The following MAP3K14 variants were observed in gnomAD, a reference collection of about 807,000 sequenced individuals.
MAP3K14 encodes the protein NF-kappa-beta-inducing kinase.
A neutral mutation model predicts 99.2 loss-of-function variants in MAP3K14; 16 were observed. The ratio of observed to expected loss-of-function variants is 0.16; its 90% CI spans 0.11 to 0.24. MAP3K14 has a LOEUF of 0.24. Ranked by LOEUF, MAP3K14 falls within the 10% of genes least tolerant of loss-of-function variation. MAP3K14 has a pLI of 1.00. For missense variants in MAP3K14, 784 were observed against 1,208.7 expected (o/e 0.65, Z 5.21); for synonymous variants, 462 against 492.4 (o/e 0.94, Z 0.82).
At position 45,286,936 on chromosome 17, in the gene MAP3K14, C is replaced by T. The variant is rs920434468; in HGVS notation, c.647G>A (p.Gly216Asp). 2.5e-6 allele frequency: 4 copies of T among 1,613,900 alleles called. No homozygotes were observed. Among genetic ancestry groups the T allele is most frequent in the South Asian group, 1.1e-5 (1 of 91,094 alleles). Residue 216 changes from glycine to aspartate, a missense_variant, in exon 5 of 16, where the codon GGC becomes GAC. Gly to Asp is a moderately conservative substitution (Grantham distance 94). Transcript: ENST00000344686. The surrounding 1 kb of genome is among the most constrained non-coding windows in gnomAD (Gnocchi z 4.1). ...TGATCGAGGCAGAGCCGGCCGTAGGCCCTCGCCAAGCTGCTTAAAACAGAG... is the reference window on the plus strand; with the variant it reads ...TGATCGAGGCAGAGCCGGCCGTAGGTCCTCGCCAAGCTGCTTAAAACAGAG... ...GQLCFKQLGEGLRPALPRSEL... is the reference protein window; with the variant it reads ...GQLCFKQLGEDLRPALPRSEL...
At chr17:45,270,193 C>T (rs1013143827) in intron 11 of MAP3K14, among the ~76,000 whole-genome samples, 4 of 152,156 alleles carry the variant, frequency 2.6e-5, no homozygotes, top group African/African-American at 4.8e-5. Flanking sequence ...TTCGAGTTTG[C>T]GTGTGAGTTT....
chr17:45,306,628 A>C (rs2044432664), intron 1 of MAP3K14, among the ~76,000 whole-genome samples: 1 of 152,234 alleles, frequency 6.6e-6, no homozygotes. Context: ...AGGCTTCTTG[A>C]ACCTATTTAC....
At chr17:45,264,846 C>G in intron 15 of MAP3K14, 46 bp from the exon 16 acceptor site, 1 of 1,587,740 alleles carries the variant, frequency 6.3e-7, no homozygotes. Flanking sequence ...GCATAGGGCT[C>G]AAGCCATGTA....
At chr17:45,294,555 C>T (rs1250520289) in intron 1 of MAP3K14, among the ~76,000 whole-genome samples, 1 of 152,252 alleles carries the variant, frequency 6.6e-6, no homozygotes, top group African/African-American at 2.4e-5. Context: ...CCTAGAAAAT[C>T]AGGGCCGGGC....
Position 45,266,479 on chromosome 17 carries a change from A to T in MAP3K14, c.2578+58T>A, listed in dbSNP as rs2044083732. Reference sequence around the variant, plus strand: ...AGACAAAATCCCTCAATGGCTGTCTAGCTCCAGGCAGATCAGCTGCCACGG... The same window carrying T: ...AGACAAAATCCCTCAATGGCTGTCTTGCTCCAGGCAGATCAGCTGCCACGG... On this transcript the variant is annotated intron_variant, in intron 14 of 15. Coordinates refer to ENST00000344686, the MANE Select transcript of MAP3K14 (RefSeq NM_003954.5). 1.9e-6 allele frequency: 3 copies of T among 1,543,550 alleles called. No homozygotes were observed. The Admixed American group carries it at 5.6e-5, about 29-fold the overall frequency.
intron 8 of MAP3K14, 126 bp downstream of exon 8, chr17:45,273,997 C>G (rs2044159908): frequency 8.9e-7 from 1 of 1,128,006 alleles, no homozygotes; most frequent in African/African-American, 1.5e-5. Context: ...AGGCACAGTC[C>G]TGTCAGCCTG....
At chr17:45,285,613 A>AAGACTCTGTCTC (rs2044257901) in intron 5 of MAP3K14, among the ~76,000 whole-genome samples, 1 of 149,062 alleles carries the variant, frequency 6.7e-6, no homozygotes, top group Admixed American at 6.7e-5. Context: ...GCGACAGAGT[A>AAGACTCTGTCTC]AGACTCTGTC....
intron 6 of MAP3K14, among the ~76,000 whole-genome samples, chr17:45,278,516 G>A (rs1287742349): frequency 6.6e-6 from 1 of 152,128 alleles, no homozygotes; most frequent in Non-Finnish European, 1.5e-5. Flanking sequence ...CTGTAAGCTG[G>A]TGGGATCATT....
rs1430400546 is a variant in MAP3K14, at chr17:45,266,598, G to A, written c.2517C>T (p.Ser839=). 2 of 1,613,710 alleles carry A rather than the reference G, an allele frequency of 1.2e-6. No homozygotes were observed. Among genetic ancestry groups the A allele is most frequent in the African/African-American group, 1.3e-5 (1 of 74,916 alleles). ...HSWSSQAEAR[S]SSWNMVLARG... is the part of the protein sequence containing the mutation. ...GGGCCAGCACCATGTTCCAGCTGGA[G>A]CTTCGAGCCTCGGCCTGGCTGCTCC... is the stretch of plus-strand genomic sequence containing the variant. The change falls in exon 14 of 16, where the codon AGC becomes AGT. Residue 839 remains serine (S), a synonymous_variant. Coordinates refer to ENST00000344686, the MANE Select transcript of MAP3K14 (RefSeq NM_003954.5).
intron 8 of MAP3K14, chr17:45,273,827 AGGGTTTACTCGGGAAC>A: frequency 1.5e-6 from 1 of 658,980 alleles, no homozygotes; most frequent in South Asian, 1.7e-5. Context: ...GGACAGGAGC[AGGGTTTACTCGGGAAC>A]GCTGCCACTC....
chr17:45,280,211 T>G (rs976603660), intron 6 of MAP3K14, among the ~76,000 whole-genome samples: 2 of 152,140 alleles, frequency 1.3e-5, no homozygotes, highest in African/African-American at 4.8e-5. Flanking sequence ...TAACCCTTTT[T>G]GGGCTACAGA....
In MAP3K14 at chr17:45,267,293, G is replaced by T. The variant is rs2044095900; in HGVS notation, c.2327-95C>A. On this transcript the variant is annotated intron_variant, in intron 12 of 15. Transcript: ENST00000344686. The surrounding 1 kb of genome is among the most constrained non-coding windows in gnomAD (Gnocchi z 5.1). Reference sequence around the variant, plus strand: ...CTGCACAGTCGGTAGAAGCTGAGCTGCTGGGGAAGGGGCTGGAAGAAAGCC... The same window carrying T: ...CTGCACAGTCGGTAGAAGCTGAGCTTCTGGGGAAGGGGCTGGAAGAAAGCC... The T allele has an allele frequency of 7.2e-7, 1 of 1,395,530 alleles. No homozygotes were observed. Among genetic ancestry groups the T allele is most frequent in the Non-Finnish European group, 9.9e-7 (1 of 1,006,182 alleles). 86.4% of individuals were successfully genotyped at this position (1,395,530 alleles called of 1,614,324 possible). A position where few individuals can be genotyped will look rare whatever the true frequency, so the allele number is the denominator to read the frequency against.
At chr17:45,314,849 G>GA (rs917020584) in intron 1 of MAP3K14, among the ~76,000 whole-genome samples, 5 of 151,628 alleles carry the variant, frequency 3.3e-5, no homozygotes, top group East Asian at 3.9e-4. Context: ...ATTGAGACAG[G>GA]AAAAAAAATA....
At chr17:45,313,932 C>T (rs889180669) in intron 1 of MAP3K14, among the ~76,000 whole-genome samples, 1 of 152,174 alleles carries the variant, frequency 6.6e-6, no homozygotes, top group African/African-American at 2.4e-5. Context: ...CTTTTCTGAT[C>T]TTTGTCCCTG....
At chr17:45,315,233 G>A (rs1266674235) in intron 1 of MAP3K14, among the ~76,000 whole-genome samples, 1 of 151,902 alleles carries the variant, frequency 6.6e-6, no homozygotes, top group East Asian at 1.9e-4. Context: ...GATTTGGCAG[G>A]GTCTCTGTGG....
chr17:45,299,096 G>C (rs2044367458), intron 1 of MAP3K14, among the ~76,000 whole-genome samples: 1 of 152,232 alleles, frequency 6.6e-6, no homozygotes, highest in African/African-American at 2.4e-5. Context: ...AGTCCCAGGA[G>C]AGGAGGCTGC....
chr17:45,286,683 G>T lies in MAP3K14; in HGVS notation c.900C>A (p.His300Gln). The change falls in exon 5 of 16, where the codon CAC becomes CAA. Residue 300 changes from histidine (H) to glutamine (Q), a missense_variant. His to Gln is a conservative substitution (Grantham distance 24). Around this residue, in one of 5 missense-constraint regions of MAP3K14, gnomAD observed 138 missense variants for 164.1 expected, o/e 0.84. Transcript: ENST00000344686. The surrounding 1 kb of genome is among the most constrained non-coding windows in gnomAD (Gnocchi z 4.1). ...VDSQKPLPDP[H>Q]LSKLACVDSP... ...TGTCTACACAGGCCAGTTTGCTCAG[G>T]TGTGGGTCAGGCAAGGGTTTCTGGC... The T allele has an allele frequency of 1.2e-6, 2 of 1,610,358 alleles. No individual in the cohort carries two copies. Among genetic ancestry groups the T allele is most frequent in the Non-Finnish European group, 1.7e-6 (2 of 1,178,468 alleles).
chr17:45,271,292 G>A, intron 9 of MAP3K14, 71 bp from the exon 10 acceptor site: 1 of 1,364,128 alleles, frequency 7.3e-7, no homozygotes, highest in Admixed American at 2.3e-5. Context: ...TGGCCACCCT[G>A]GTTAATCCTC....
intron 1 of MAP3K14, among the ~76,000 whole-genome samples, chr17:45,305,725 C>T (rs188653016): frequency 1.3e-5 from 2 of 152,298 alleles, no homozygotes; most frequent in East Asian, 3.9e-4. Flanking sequence ...AAAGTTGCTG[C>T]TATAAGGCAC....
Sources: allele counts gnomAD v4.1 joint callset (sites outside exome capture counted in the v4.1 genomes callset), GRCh38; gene constraint gnomAD v4.1.1; regional missense constraint gnomAD v4.1.1; non-coding constraint Gnocchi (gnomAD v3.1); transcripts MANE v1.5; gene names NCBI Gene and HGNC (gene_info 2026-07-23, HGNC 2026-07-21).